CYP24A1: variants seen among roughly 807,000 people sequenced by gnomAD.
The protein encoded by CYP24A1 is 1,25-dihydroxyvitamin D(3) 24-hydroxylase, mitochondrial.
CYP24A1 carries 68 observed loss-of-function variants against 62.4 expected under a neutral mutation model. The observed-to-expected ratio is 1.09, with a 90% CI of 0.90 to 1.33. The LOEUF (loss-of-function observed/expected upper bound fraction) is 1.33. Among genes scored for constraint, CYP24A1 ranks in the 40% most tolerant of loss-of-function variants. The pLI is 0.00. For synonymous variants in CYP24A1, 267 were observed against 253.0 expected (o/e 1.06, Z -0.52); for missense variants, 787 against 653.0 (o/e 1.21, Z -2.24).
chr20:54,157,559 C>A lies in CYP24A1; in HGVS notation c.1263G>T (p.Val421=). 1 of 1,597,024 alleles carries A rather than the reference C, an allele frequency of 6.3e-7. No individual in the cohort carries two copies. Among genetic ancestry groups the A allele is most frequent in the Non-Finnish European group, 8.6e-7 (1 of 1,164,490 alleles). The part of the protein sequence containing the change: ...KGTVLMLNTQ[V]LGSSEDNFED... ...CAAAATTGTCTTCACTGGATCCCAA[C>A]ACCTGGGTATTTAGCATGAGCACTG... Residue 421 remains valine, a synonymous_variant, in exon 10 of 12, where the codon GTG becomes GTT. Coordinates refer to ENST00000216862, the MANE Select transcript of CYP24A1 (RefSeq NM_000782.5).
rs556170190 is a variant in CYP24A1 at position 54,173,278 on chromosome 20, G to A, written c.258+44C>T. 5.3e-5 allele frequency: 83 copies of A among 1,580,852 alleles called. 1 individual carries two copies. The Admixed American group carries it at 9.1e-4, about 17-fold the overall frequency. ...GAGGGTTTGGAGCGCCACTGGGAGG[G>A]CGGAAGAGGGAGGAGAGAGTCAGGG... On this transcript the variant is annotated intron_variant, in intron 1 of 11. Coordinates refer to ENST00000216862, the MANE Select transcript of CYP24A1 (RefSeq NM_000782.5). This position sits in a 1 kb window ranked among gnomAD's most constrained non-coding sequence, Gnocchi z 7.2.
Position 54,158,022 on chromosome 20 carries a change from T to C in CYP24A1, c.1236+64A>G. 5.0e-6 allele frequency: 8 copies of C among 1,603,418 alleles called. No individual in the cohort carries two copies. In the South Asian group the frequency reaches 5.5e-5, roughly 11 times the overall value. On this transcript the variant is annotated intron_variant, in intron 9 of 11. Coordinates refer to ENST00000216862, the MANE Select transcript of CYP24A1 (RefSeq NM_000782.5). Reference sequence around the variant, plus strand: ...CAGTACAAAGTCTAGGGAGATCTGGTGAATATTTGCAAAGTGTATCTTCCA... The same window carrying C: ...CAGTACAAAGTCTAGGGAGATCTGGCGAATATTTGCAAAGTGTATCTTCCA...
Position 54,164,456 on chromosome 20 carries a change from T to G in CYP24A1, c.840A>C (p.Lys280Asn), listed in dbSNP as rs528653327. Residue 280 changes from lysine to asparagine, a missense_variant, in exon 6 of 12, where the codon AAA becomes AAC. By Grantham distance (94) the Lys-to-Asn change is moderately conservative. Transcript: ENST00000216862. ...TTGTGAAGGGCGGCCCTTTACCTGATTTGAAAATGGTGTCCCAGGCCAGAG... is the reference window on the plus strand; with the variant it reads ...TTGTGAAGGGCGGCCCTTTACCTGAGTTGAAAATGGTGTCCCAGGCCAGAG... ...DHTLAWDTIF[K>N]SVKACIDNRL... 2.4e-5 allele frequency: 38 copies of G among 1,613,984 alleles called. No individual in the cohort carries two copies. The South Asian group carries it at 4.2e-4, about 18-fold the overall frequency.
intron 6 of CYP24A1, 89 bp from the exon 7 acceptor site, chr20:54,162,951 T>G: frequency 1.3e-6 from 1 of 788,266 alleles, no homozygotes. Flanking sequence ...AACTCCTTCT[T>G]GCAATATCTA....
Position 54,162,700 on chromosome 20 carries a change from A to T in CYP24A1, c.990+17T>A. On this transcript the variant is annotated intron_variant, in intron 7 of 11. Coordinates refer to ENST00000216862, the MANE Select transcript of CYP24A1 (RefSeq NM_000782.5). ...CAGACCGTTCATTTAGCAAACTCAA[A>T]TCCAGCCCACCCTTACCGTTTCCAC... 1 of 1,550,018 alleles carries T rather than the reference A, an allele frequency of 6.5e-7. No homozygotes were observed. Among genetic ancestry groups the T allele is most frequent in the Non-Finnish European group, 8.9e-7 (1 of 1,122,104 alleles).
At position 54,159,772 on chromosome 20, in the gene CYP24A1, A is replaced by G. The variant is rs376120572; in HGVS notation, c.991-649T>C. Among the ~76,000 whole-genome samples the G allele has an allele frequency of 3.9e-5, 6 of 152,348 alleles. No individual in the cohort carries two copies. The East Asian group carries it at 1.2e-3, about 29-fold the overall frequency. ...TGAAATGAGAATATTAGTGGGTTAA[A>G]TCAATGCCAATTTTCAGATTGTGAC... On this transcript the variant is annotated intron_variant, in intron 7 of 11. Transcript: ENST00000216862.
chr20:54,150,259 C>T (rs939089534), downstream of CYP24A1, among the ~76,000 whole-genome samples: 15 of 152,310 alleles, frequency 9.8e-5, no homozygotes, highest in African/African-American at 2.6e-4. Flanking sequence ...ATCCCCAGTG[C>T]GCTTTCTCGC....
At chr20:54,155,684 C>T (rs1350170588) in intron 11 of CYP24A1, among the ~76,000 whole-genome samples, 2 of 147,146 alleles carry the variant, frequency 1.4e-5, no homozygotes, top group Non-Finnish European at 3.0e-5. Flanking sequence ...TTGCAGTGAG[C>T]TGAGATTGCA....
At position 54,173,766 on chromosome 20, in the gene CYP24A1, T is replaced by G. The variant is rs8183750; in HGVS notation, c.-187A>C. 1.7e-6 allele frequency: 1 copy of G among 604,516 alleles called. No homozygotes were observed. The highest frequency in any genetic ancestry group is 1.9e-5 in the African/African-American group (1 of 53,972). The allele number at this position is 604,516 out of a possible 1,614,324, so 37.4% of individuals were successfully genotyped here. On this transcript the variant is annotated 5_prime_UTR_variant, in exon 1 of 12. Coordinates refer to ENST00000216862, the MANE Select transcript of CYP24A1 (RefSeq NM_000782.5). The surrounding 1 kb of genome is among the most constrained non-coding windows in gnomAD (Gnocchi z 7.2). The stretch of plus-strand genomic sequence containing the variant: ...GGACCTCGGCGAGGATGCTCGACGC[T>G]GCACCACGCGACAGCCTCAGAGCAT...
chr20:54,144,869 A>C, the CYP24A1 span, among the ~76,000 whole-genome samples: 1 of 152,084 alleles, frequency 6.6e-6, no homozygotes, highest in Non-Finnish European at 1.5e-5. Flanking sequence ...TCAGTTTAGA[A>C]GATCATTGTA....
At chr20:54,158,757 T>C (rs1345518181) in intron 8 of CYP24A1, among the ~76,000 whole-genome samples, 200 bp downstream of exon 8, 1 of 152,196 alleles carries the variant, frequency 6.6e-6, no homozygotes, top group Non-Finnish European at 1.5e-5. Context: ...GCACTGGCTT[T>C]CCAAGATTTA....
chr20:54,168,017 C>T (rs1471855459), intron 4 of CYP24A1, among the ~76,000 whole-genome samples: 1 of 152,186 alleles, frequency 6.6e-6, no homozygotes. Context: ...TGGCCCTCTG[C>T]CAGCCTCTGT....
rs929085131 is a variant in CYP24A1 at position 54,166,360 on chromosome 20, A to G, written c.641-527T>C. On this transcript the variant is annotated intron_variant, in intron 4 of 11. Coordinates refer to ENST00000216862, the MANE Select transcript of CYP24A1 (RefSeq NM_000782.5). Reference sequence around the variant, plus strand: ...TTTATTTAGAAGGAACCTTTTTACAAATAAAATTCTCAACTCTTCATTTCA... The same window carrying G: ...TTTATTTAGAAGGAACCTTTTTACAGATAAAATTCTCAACTCTTCATTTCA... 2.0e-5 allele frequency among the ~76,000 whole-genome samples: 3 copies of G among 152,264 alleles called. No homozygotes were observed. The South Asian group carries it at 6.2e-4, about 32-fold the overall frequency.
downstream of CYP24A1, among the ~76,000 whole-genome samples, chr20:54,148,791 C>T (rs1017555667): frequency 2.6e-5 from 4 of 152,152 alleles, no homozygotes; most frequent in Non-Finnish European, 4.4e-5. Context: ...TCTGCAAGCT[C>T]GCACTGACAT....
chr20:54,151,950 C>G (rs1019375054), downstream of CYP24A1, among the ~76,000 whole-genome samples: 2 of 152,120 alleles, frequency 1.3e-5, no homozygotes, highest in African/African-American at 4.8e-5. Flanking sequence ...TCATATGTAG[C>G]AAGTGCACAG....
chr20:54,148,551 C>T (rs924922168), downstream of CYP24A1, among the ~76,000 whole-genome samples: 28 of 152,074 alleles, frequency 1.8e-4, no homozygotes, highest in South Asian at 6.2e-4. Flanking sequence ...GATGATTCCA[C>T]GGTGGGGCAG....
chr20:54,158,049 G>C, intron 9 of CYP24A1, 37 bp downstream of exon 9: 1 of 1,611,088 alleles, frequency 6.2e-7, no homozygotes, highest in Non-Finnish European at 8.5e-7. Flanking sequence ...TATCTTCCAA[G>C]GTTTTGTAAG....
At chr20:54,157,781 TACTC>T (rs767914108) in intron 9 of CYP24A1, among the ~76,000 whole-genome samples, 196 bp from the exon 10 acceptor site, 13 of 152,186 alleles carry the variant, frequency 8.5e-5, no homozygotes, top group Non-Finnish European at 1.6e-4. Flanking sequence ...TTGTGCACCA[TACTC>T]ACAACCACCC....
In CYP24A1 at chr20:54,162,220, C is replaced by CTTTTTT. The variant is rs530338632; in HGVS notation, c.990+491_990+496dup. 2.3e-3 allele frequency among the ~76,000 whole-genome samples: 164 copies of CTTTTTT among 72,546 alleles called. 7 individuals are homozygous for CTTTTTT. Among genetic ancestry groups the CTTTTTT allele is most frequent in the African/African-American group, 9.7e-3 (154 of 15,874 alleles). The allele number at this position is 72,546 out of a possible 152,430, so 47.6% of individuals were successfully genotyped here. A position where few individuals can be genotyped will look rare whatever the true frequency, so the allele number is the denominator to read the frequency against. ...ATTATTGGCTTGAAAGAGAGTATGC[C>CTTTTTT]TTTTTTTTTTTTTTTTTTTTTTTTT... is the stretch of plus-strand genomic sequence containing the variant. On this transcript the variant is annotated intron_variant, in intron 7 of 11. Coordinates refer to ENST00000216862, the MANE Select transcript of CYP24A1 (RefSeq NM_000782.5).
Sources: allele counts gnomAD v4.1 joint callset (sites outside exome capture counted in the v4.1 genomes callset), GRCh38; gene constraint gnomAD v4.1.1; non-coding constraint Gnocchi (gnomAD v3.1); transcripts MANE v1.5; gene names NCBI Gene and HGNC (gene_info 2026-07-23, HGNC 2026-07-21).